The following ILDR2 variants were observed in gnomAD, a reference collection of about 807,000 sequenced individuals.
ILDR2 encodes the protein immunoglobulin like domain containing receptor 2.
In ILDR2, 25 loss-of-function variants were observed where a neutral mutation model predicts 66.8. The observed-to-expected ratio is 0.37, with a 90% CI of 0.27 to 0.52. ILDR2 has a LOEUF of 0.52. Ranked by LOEUF, ILDR2 falls within the 20% of genes least tolerant of loss-of-function variation. The probability of loss-of-function intolerance (pLI) is 0.88; values close to 1 mark genes in which losing one functional copy is unlikely to be tolerated. For synonymous variants in ILDR2, 367 were observed against 357.2 expected, an observed-to-expected ratio of 1.03 and a Z score of -0.31; for missense variants, 827 against 876.8, an observed-to-expected ratio of 0.94 and a Z score of 0.72.
chr1:166,928,921 G>A (rs777268141), intron 6 of ILDR2, among the ~76,000 whole-genome samples: 2 of 152,182 alleles, frequency 1.3e-5, no homozygotes, highest in Non-Finnish European at 2.9e-5. Flanking sequence ...GCAATGATTA[G>A]CAGAAATAAT....
At chr1:166,907,739 T>C (rs866261581), downstream of ILDR2, among the ~76,000 whole-genome samples, 2 of 152,174 alleles carry the variant, frequency 1.3e-5, no homozygotes, top group African/African-American at 4.8e-5. Flanking sequence ...ATGTAAAAAT[T>C]ATACATATTT....
At chr1:166,957,362 C>T (rs762210691) in intron 2 of ILDR2, among the ~76,000 whole-genome samples, 2 of 152,188 alleles carry the variant, frequency 1.3e-5, no homozygotes, top group Non-Finnish European at 2.9e-5. Context: ...TATTTGTATG[C>T]ATACGTCCCT....
At chr1:166,974,166 T>G (rs915164349) in intron 1 of ILDR2, among the ~76,000 whole-genome samples, 1 of 152,202 alleles carries the variant, frequency 6.6e-6, no homozygotes, top group African/African-American at 2.4e-5. Context: ...TTTTCTCTCC[T>G]GCCTTCCACC....
In ILDR2 at chr1:166,909,770, A is replaced by AT. The variant is rs1659430024; in HGVS notation, c.*9584_*9585insA. On this transcript the variant is annotated 3_prime_UTR_variant, in exon 10 of 10. Coordinates refer to ENST00000271417, the MANE Select transcript of ILDR2 (RefSeq NM_199351.3). ...ATATATATATATATAAATATATATA[A>AT]ATATATATATTTATATATATATATA... 5.4e-4 allele frequency: 36 copies of AT among 66,200 alleles called. No individual in the cohort carries two copies. The highest frequency in any genetic ancestry group is 1.4e-3 in the East Asian group (2 of 1,474). The allele number at this position is 66,200 out of a possible 1,614,324, so 4.1% of individuals were successfully genotyped here.
downstream of ILDR2, among the ~76,000 whole-genome samples, chr1:166,906,355 G>A (rs1047917419): frequency 1.3e-5 from 2 of 152,188 alleles, no homozygotes; most frequent in Admixed American, 6.5e-5. Flanking sequence ...TGGACCTGGG[G>A]CTCTTAGCTC....
intron 9 of ILDR2, among the ~76,000 whole-genome samples, chr1:166,920,107 T>C (rs1182401570): frequency 1.3e-5 from 2 of 152,138 alleles, no homozygotes; most frequent in South Asian, 4.1e-4. Flanking sequence ...AAAGAGACAA[T>C]GAACTGGATA....
At chr1:166,906,371 G>C (rs146554842), downstream of ILDR2, among the ~76,000 whole-genome samples, 1 of 152,188 alleles carries the variant, frequency 6.6e-6, no homozygotes, top group African/African-American at 2.4e-5. Flanking sequence ...AGCTCAGCCT[G>C]GTGGGAGTGG....
At chr1:166,973,910 G>C (rs1663456054) in intron 1 of ILDR2, among the ~76,000 whole-genome samples, 1 of 152,138 alleles carries the variant, frequency 6.6e-6, no homozygotes, top group African/African-American at 2.4e-5. Context: ...CAGCAGTGGG[G>C]CAACGGCAAT....
chr1:166,938,688 C>T (rs1661129081), intron 4 of ILDR2, among the ~76,000 whole-genome samples: 1 of 152,162 alleles, frequency 6.6e-6, no homozygotes, highest in Admixed American at 6.5e-5. Context: ...AACCAATACC[C>T]AGGGATATTT....
At chr1:166,933,085 G>A (rs1210861425) in intron 6 of ILDR2, among the ~76,000 whole-genome samples, 4 of 152,308 alleles carry the variant, frequency 2.6e-5, no homozygotes, top group East Asian at 1.9e-4. Context: ...GACTAGCTGC[G>A]GTGACACTGA....
intron 2 of ILDR2, 103 bp from the exon 3 acceptor site, chr1:166,956,955 C>A: frequency 8.2e-7 from 1 of 1,217,670 alleles, no homozygotes; most frequent in Non-Finnish European, 1.1e-6. Context: ...GGGGTATCTG[C>A]AGTATTTTCT....
At chr1:166,956,050 C>A (rs1662261493) in intron 3 of ILDR2, among the ~76,000 whole-genome samples, 1 of 152,096 alleles carries the variant, frequency 6.6e-6, no homozygotes, top group African/African-American at 2.4e-5. Flanking sequence ...AGGTCAGCTC[C>A]CACTGACATT....
At chr1:166,956,509 A>G (rs1037177516) in intron 3 of ILDR2, among the ~76,000 whole-genome samples, 2 of 151,190 alleles carry the variant, frequency 1.3e-5, no homozygotes, top group African/African-American at 4.9e-5. Context: ...TATTCAGGAC[A>G]ATGATAAAAG....
rs1329357290 is a variant in ILDR2 at position 166,915,494 on chromosome 1, C to T, written c.*3861G>A. The T allele has an allele frequency of 1.3e-5, 2 of 152,208 alleles. No homozygotes were observed. Among genetic ancestry groups the T allele is most frequent in the African/African-American group, 2.4e-5 (1 of 41,440 alleles). The allele number at this position is 152,208 out of a possible 1,614,324, so 9.4% of individuals were successfully genotyped here. A position where few individuals can be genotyped will look rare whatever the true frequency, so the allele number is the denominator to read the frequency against. On this transcript the variant is annotated 3_prime_UTR_variant, in exon 10 of 10. Coordinates refer to ENST00000271417, the MANE Select transcript of ILDR2 (RefSeq NM_199351.3). ...ATCTCCAAAACAGGGTCCAACAATA[C>T]CTTTTTAACAGCAGCTATCAAGTTA...
In ILDR2 at chr1:166,918,566, G is replaced by A. The variant is rs954461714; in HGVS notation, c.*789C>T. 3 of 152,238 alleles carry A rather than the reference G, an allele frequency of 2.0e-5. No homozygotes were observed. Among genetic ancestry groups the A allele is most frequent in the Non-Finnish European group, 2.9e-5 (2 of 68,070 alleles). 9.4% of individuals were successfully genotyped at this position (152,238 alleles called of 1,614,324 possible). Reference sequence around the variant, plus strand: ...GCTGTGTGTGTGGCACCAACCTGTGGGAAGTCCAGGAGAGGGGAGGAAGAG... The same window carrying A: ...GCTGTGTGTGTGGCACCAACCTGTGAGAAGTCCAGGAGAGGGGAGGAAGAG... On this transcript the variant is annotated 3_prime_UTR_variant, in exon 10 of 10. Transcript: ENST00000271417.
intron 6 of ILDR2, among the ~76,000 whole-genome samples, chr1:166,934,751 T>TC (rs1313359248): frequency 1.3e-5 from 2 of 152,246 alleles, no homozygotes; most frequent in Admixed American, 6.5e-5. Flanking sequence ...GTGCTCAGCA[T>TC]CCCCTGAATG....
chr1:166,967,887 T>C (rs7539995), intron 1 of ILDR2, among the ~76,000 whole-genome samples: 125,613 of 152,192 alleles, frequency 0.83, 52,432 homozygotes, highest in African/African-American at 0.93. Context: ...CACATCCATC[T>C]AAGTCAGTCC....
At chr1:166,929,085 G>A (rs1282457796) in intron 6 of ILDR2, among the ~76,000 whole-genome samples, 1 of 152,214 alleles carries the variant, frequency 6.6e-6, no homozygotes, top group Admixed American at 6.5e-5. Flanking sequence ...TGGGAAGTGG[G>A]GAACTGGGCA....
intron 9 of ILDR2, 145 bp downstream of exon 9, chr1:166,920,562 C>G (rs1478188152): frequency 1.1e-6 from 1 of 909,496 alleles, no homozygotes; most frequent in Non-Finnish European, 1.5e-6. Flanking sequence ...CGCGGACGAA[C>G]TCGCCCAGGC....
Sources: allele counts gnomAD v4.1 joint callset (sites outside exome capture counted in the v4.1 genomes callset), GRCh38; gene constraint gnomAD v4.1.1; transcripts MANE v1.5; gene names NCBI Gene and HGNC (gene_info 2026-07-23, HGNC 2026-07-21).